Variants in ZNF385A observed in about 807,000 individuals in gnomAD.
ZNF385A encodes hematopoietic zinc finger protein.
ZNF385A carries 14 observed loss-of-function variants against 32.1 expected under a neutral mutation model. That is an observed-to-expected ratio of 0.44 (90% CI 0.29 to 0.68). ZNF385A has a LOEUF of 0.68. ZNF385A is among the 30% of genes least tolerant of loss of function. The probability of loss-of-function intolerance (pLI) is 0.14; values close to 1 mark genes in which losing one functional copy is unlikely to be tolerated. For synonymous variants in ZNF385A, 197 were observed against 202.7 expected (o/e 0.97, Z 0.24); for missense variants, 406 against 478.4 (o/e 0.85, Z 1.41).
intron 1 of ZNF385A, among the ~76,000 whole-genome samples, chr12:54,382,308 T>C (rs1157814197): frequency 6.6e-6 from 1 of 151,890 alleles, no homozygotes; most frequent in African/African-American, 2.4e-5. Context: ...TCTCCTGACC[T>C]TGTGATCCGC....
chr12:54,373,858 T>A, intron 3 of ZNF385A, 115 bp downstream of exon 3: 1 of 1,127,912 alleles, frequency 8.9e-7, no homozygotes, highest in South Asian at 2.7e-5. Flanking sequence ...TGGGTGGGGG[T>A]GGGGGTATAG....
intron 1 of ZNF385A, among the ~76,000 whole-genome samples, chr12:54,383,750 C>T (rs1955319503): frequency 6.6e-6 from 1 of 152,162 alleles, no homozygotes; most frequent in Admixed American, 6.5e-5. Flanking sequence ...CAAAAATTAG[C>T]CCGGTGTGGT....
intron 1 of ZNF385A, among the ~76,000 whole-genome samples, chr12:54,390,687 G>T (rs977688871): frequency 7.7e-5 from 9 of 116,648 alleles, no homozygotes; most frequent in African/African-American, 2.7e-4. Flanking sequence ...CAGCCCCTCT[G>T]CTCCCCAGCC....
chr12:54,376,823 G>A (rs937964617), intron 1 of ZNF385A, among the ~76,000 whole-genome samples: 1 of 152,192 alleles, frequency 6.6e-6, no homozygotes, highest in African/African-American at 2.4e-5. Flanking sequence ...TGAAAACCAG[G>A]GGCTCAGAGG....
At chr12:54,386,236 G>A (rs1056664622), upstream of ZNF385A, among the ~76,000 whole-genome samples, 6 of 151,828 alleles carry the variant, frequency 4.0e-5, no homozygotes, top group Non-Finnish European at 8.8e-5. Context: ...GAAAGTGAGT[G>A]AGAGGATGGG....
rs1055301444 is a variant in ZNF385A, at chr12:54,371,180, A to G, written c.605-84T>C. ...GGCCTCAGAATGCACATTCCCAGGT[A>G]CAATATGAGGGGGAAGAGGGTGGGC... is the stretch of plus-strand genomic sequence containing the variant. On this transcript the variant is annotated intron_variant, in intron 4 of 6. Transcript: ENST00000394313. The G allele has an allele frequency of 2.8e-5, 40 of 1,431,066 alleles. No individual in the cohort carries two copies. The African/African-American group carries it at 4.0e-4, about 14-fold the overall frequency. 88.6% of individuals were successfully genotyped at this position (1,431,066 alleles called of 1,614,324 possible).
At chr12:54,389,769 G>T (rs911970204) in intron 1 of ZNF385A, among the ~76,000 whole-genome samples, 9 of 152,122 alleles carry the variant, frequency 5.9e-5, no homozygotes, top group Non-Finnish European at 1.0e-4. Flanking sequence ...AATGTGTGCT[G>T]GTGGGGGTCA....
In ZNF385A at chr12:54,370,511, A is replaced by C. The variant is rs1954471492; in HGVS notation, c.871-25T>G. On this transcript the variant is annotated intron_variant, in intron 6 of 6. Transcript: ENST00000394313. This position sits in a 1 kb window ranked among gnomAD's most constrained non-coding sequence, Gnocchi z 5.5. The stretch of plus-strand genomic sequence containing the variant: ...CCTGAAGCGGGCGAAAGGCGGAGGA[A>C]GAGAAGTCACCCGGCGGTCCTGCAA... 6.4e-7 allele frequency: 1 copy of C among 1,550,922 alleles called. No individual in the cohort carries two copies. The highest frequency in any genetic ancestry group is 2.0e-5 in the Admixed American group (1 of 51,010).
intron 1 of ZNF385A, among the ~76,000 whole-genome samples, chr12:54,380,273 C>T (rs562036690): frequency 1.3e-5 from 2 of 152,352 alleles, no homozygotes; most frequent in South Asian, 4.1e-4. Context: ...CTGTACTGAG[C>T]TCTTTGCATG....
rs991453865 is a variant in ZNF385A at position 54,379,087 on chromosome 12, C to A, written c.88-3133G>T. ...TTACCCTGCGAGACCCTGGGGGCCG[C>A]GGCTCCATGGCCCGGGGTGGCGGAC... is the stretch of plus-strand genomic sequence containing the variant. On this transcript the variant is annotated intron_variant, in intron 1 of 6. Coordinates refer to ENST00000394313, the MANE Select transcript of ZNF385A (RefSeq NM_015481.3). 18 of 982,284 alleles carry A rather than the reference C, an allele frequency of 1.8e-5. 1 individual carries two copies. The highest frequency in any genetic ancestry group is 1.2e-6 in the Non-Finnish European group (1 of 828,846). The allele number at this position is 982,284 out of a possible 1,614,324, so 60.8% of individuals were successfully genotyped here.
chr12:54,384,448 G>A lies in ZNF385A; in HGVS notation c.67C>T (p.Leu23Phe), dbSNP rs764582011. ...FPLEPAPTLGLFSNYSTMDPV... is the reference protein window; with the variant it reads ...FPLEPAPTLGFFSNYSTMDPV... Reference sequence around the variant, plus strand: ...CTTACGGTGCTGTAGTTGCTGAAGAGGCCAAGGGTAGGGGCTGGCTCGAGT... The same window carrying A: ...CTTACGGTGCTGTAGTTGCTGAAGAAGCCAAGGGTAGGGGCTGGCTCGAGT... Residue 23 changes from leucine (L) to phenylalanine (F), a missense_variant, in exon 1 of 7, where the codon CTC (leucine) becomes TTC (phenylalanine). Leu to Phe is a conservative substitution (Grantham distance 22). Coordinates refer to ENST00000394313, the MANE Select transcript of ZNF385A (RefSeq NM_015481.3). The A allele has an allele frequency of 1.9e-6, 3 of 1,593,272 alleles. No homozygotes were observed. The highest frequency in any genetic ancestry group is 1.1e-5 in the South Asian group (1 of 87,634).
At position 54,369,820 on chromosome 12, in the gene ZNF385A, A is replaced by C; in HGVS notation, c.*436T>G. On this transcript the variant is annotated 3_prime_UTR_variant, in exon 7 of 7. Transcript: ENST00000394313. ...TACGGAGGACGGGGGTGTTCACGGA[A>C]GCGCTTCAGTTTGGGGTAGGGAGCC... 6.5e-6 allele frequency: 1 copy of C among 154,382 alleles called. No homozygotes were observed. The highest frequency in any genetic ancestry group is 2.4e-5 in the African/African-American group (1 of 41,594). The allele number at this position is 154,382 out of a possible 1,614,324, so 9.6% of individuals were successfully genotyped here. A position where few individuals can be genotyped will look rare whatever the true frequency, so the allele number is the denominator to read the frequency against.
chr12:54,380,600 T>A (rs1955104045), intron 1 of ZNF385A, among the ~76,000 whole-genome samples: 1 of 152,246 alleles, frequency 6.6e-6, no homozygotes, highest in South Asian at 2.1e-4. Flanking sequence ...GGAACATATT[T>A]CCCTCCCCAC....
In ZNF385A at chr12:54,384,657, C is replaced by T; in HGVS notation, c.-143G>A. 3 of 1,414,164 alleles carry T rather than the reference C, an allele frequency of 2.1e-6. No individual in the cohort carries two copies. Among genetic ancestry groups the T allele is most frequent in the Non-Finnish European group, 2.8e-6 (3 of 1,088,810 alleles). The allele number at this position is 1,414,164 out of a possible 1,614,324, so 87.6% of individuals were successfully genotyped here. ...CAGTCCCACTCCCTAGCCAGGGCCC[C>T]CACACTCAGAAGTGTCACCCTCAGT... On this transcript the variant is annotated 5_prime_UTR_variant, in exon 1 of 7. Coordinates refer to ENST00000394313, the MANE Select transcript of ZNF385A (RefSeq NM_015481.3).
upstream of ZNF385A, among the ~76,000 whole-genome samples, chr12:54,386,173 GACACACACACAC>G (rs57780822): frequency 5.1e-5 from 7 of 138,036 alleles, no homozygotes; most frequent in South Asian, 2.5e-4. Flanking sequence ...GTGGAGAGAG[GACACACACACAC>G]ACACACACAC....
rs762549510 is a variant in ZNF385A, at chr12:54,370,643, C to T, written c.853G>A (p.Gly285Ser). 2 of 1,604,392 alleles carry T rather than the reference C, an allele frequency of 1.2e-6. No homozygotes were observed. The highest frequency in any genetic ancestry group is 1.7e-6 in the Non-Finnish European group (2 of 1,176,066). The change falls in exon 6 of 7, where the codon GGC becomes AGC. Residue 285 changes from glycine (G) to serine (S), a missense_variant. Transcript: ENST00000394313. The surrounding 1 kb of genome is among the most constrained non-coding windows in gnomAD (Gnocchi z 5.5). ...GGCCTCACCGCCAGCTCCCCGGCGC[C>T]CCTAGACTTCTTGTGACGGCTCAGT... The part of the protein sequence containing the change: ...PLLSRHKKSR[G>S]AGELAGTLTF...
rs4357739 is a variant in ZNF385A at position 54,369,661 on chromosome 12, C to G, written c.*595G>C. On this transcript the variant is annotated 3_prime_UTR_variant, in exon 7 of 7. Coordinates refer to ENST00000394313, the MANE Select transcript of ZNF385A (RefSeq NM_015481.3). ...CCCACCCAAGTGCCGGAGATGCCCC[C>G]AAGTGCTGCCCCCTGCAATGGGCCC... 6.5e-6 allele frequency: 1 copy of G among 152,804 alleles called. No individual in the cohort carries two copies. Among genetic ancestry groups the G allele is most frequent in the Admixed American group, 6.5e-5 (1 of 15,288 alleles). The allele number at this position is 152,804 out of a possible 1,614,324, so 9.5% of individuals were successfully genotyped here. A position where few individuals can be genotyped will look rare whatever the true frequency, so the allele number is the denominator to read the frequency against.
chr12:54,374,844 A>G (rs1171408400), intron 2 of ZNF385A, among the ~76,000 whole-genome samples: 1 of 152,156 alleles, frequency 6.6e-6, no homozygotes, highest in African/African-American at 2.4e-5. Context: ...GTTGATAGAC[A>G]GGATGCCTGG....
chr12:54,384,571 G>A lies in ZNF385A; in HGVS notation c.-57C>T. ...CCTGCCCGGCTCAGGCTGCCTGAAGGGCAGAGAAAACATTCTGTGGGGTAG... is the reference window on the plus strand; with the variant it reads ...CCTGCCCGGCTCAGGCTGCCTGAAGAGCAGAGAAAACATTCTGTGGGGTAG... On this transcript the variant is annotated 5_prime_UTR_variant, in exon 1 of 7. Transcript: ENST00000394313. 2 of 1,453,874 alleles carry A rather than the reference G, an allele frequency of 1.4e-6. No individual in the cohort carries two copies. The highest frequency in any genetic ancestry group is 2.7e-5 in the East Asian group (1 of 37,498). 90.1% of individuals were successfully genotyped at this position (1,453,874 alleles called of 1,614,324 possible).
Sources: allele counts gnomAD v4.1 joint callset (sites outside exome capture counted in the v4.1 genomes callset), GRCh38; gene constraint gnomAD v4.1.1; non-coding constraint Gnocchi (gnomAD v3.1); transcripts MANE v1.5; gene names NCBI Gene and HGNC (gene_info 2026-07-23, HGNC 2026-07-21).